SYNE1: variants seen among roughly 807,000 people sequenced by gnomAD.
SYNE1 encodes nesprin-1.
SYNE1 carries 616 observed loss-of-function variants against 1,111.0 expected under a neutral mutation model. The ratio of observed to expected loss-of-function variants is 0.55; its 90% CI spans 0.52 to 0.59. The LOEUF (loss-of-function observed/expected upper bound fraction) is 0.59. Ranked by LOEUF, SYNE1 falls within the 20% of genes least tolerant of loss-of-function variation. SYNE1 has a pLI of 0.00. For missense variants in SYNE1, 10,006 were observed against 10,417.0 expected (o/e 0.96, Z 1.72); for synonymous variants, 3,855 against 3,825.8 (o/e 1.01, Z -0.28).
At chr6:152,263,441 T>C (rs917750808) in intron 100 of SYNE1, among the ~76,000 whole-genome samples, 3 of 152,032 alleles carry the variant, frequency 2.0e-5, no homozygotes, top group Non-Finnish European at 2.9e-5. Context: ...CCCAAGCTGG[T>C]GTGGACTCGT....
intron 105 of SYNE1, among the ~76,000 whole-genome samples, chr6:152,245,679 C>A (rs1424676735): frequency 6.6e-6 from 1 of 152,150 alleles, no homozygotes; most frequent in Non-Finnish European, 1.5e-5. Context: ...AAGCTGAATT[C>A]TAAACCAGTG....
chr6:152,470,042 A>G (rs1048409221), intron 16 of SYNE1, among the ~76,000 whole-genome samples: 9 of 152,246 alleles, frequency 5.9e-5, no homozygotes, highest in African/African-American at 2.2e-4. Context: ...AGATGAGAGT[A>G]CTAGGAAATG....
intron 8 of SYNE1, among the ~76,000 whole-genome samples, chr6:152,507,516 A>C (rs951889598): frequency 3.9e-5 from 6 of 152,156 alleles, no homozygotes; most frequent in Admixed American, 6.5e-5. Context: ...CAGTTAAAGT[A>C]GTAGGTAATA....
chr6:152,216,368 T>A (rs1176643259), intron 121 of SYNE1, among the ~76,000 whole-genome samples: 1 of 152,138 alleles, frequency 6.6e-6, no homozygotes, highest in Non-Finnish European at 1.5e-5. Flanking sequence ...TGATAGAGCA[T>A]GGAAGAAAAA....
At chr6:152,237,909 T>C (rs2084594504) in intron 108 of SYNE1, among the ~76,000 whole-genome samples, 2 of 152,222 alleles carry the variant, frequency 1.3e-5, no homozygotes, top group Non-Finnish European at 2.9e-5. Flanking sequence ...TATGCTCACT[T>C]CACTGTGCAG....
In SYNE1 at chr6:152,196,661, A is replaced by G. The variant is rs527418929; in HGVS notation, c.23145+5163T>C. Among the ~76,000 whole-genome samples the G allele has an allele frequency of 3.3e-5, 5 of 152,040 alleles. No homozygotes were observed. The South Asian group carries it at 8.3e-4, about 25-fold the overall frequency. On this transcript the variant is annotated intron_variant, in intron 127 of 145. Transcript: ENST00000367255. ...TGAGTTGGTATCCAAGTTGCAAAAC[A>G]AAGTCCTCTTTACTCTTTCCTCTTT... is the stretch of plus-strand genomic sequence containing the variant.
intron 124 of SYNE1, among the ~76,000 whole-genome samples, chr6:152,209,647 G>A (rs2077158340): frequency 1.3e-5 from 2 of 151,998 alleles, no homozygotes; most frequent in African/African-American, 2.4e-5. Flanking sequence ...CTACTTGGGA[G>A]GCTGAGACAG....
Position 152,323,504 on chromosome 6 carries a change from G to C in SYNE1, c.15891C>G (p.Ile5297Met). 6.2e-7 allele frequency: 1 copy of C among 1,614,036 alleles called. No individual in the cohort carries two copies. Among genetic ancestry groups the C allele is most frequent in the Non-Finnish European group, 8.5e-7 (1 of 1,180,020 alleles). Reference protein sequence around the residue: ...PGEEPPLMQEITAMQDRCLNM... With the variant: ...PGEEPPLMQEMTAMQDRCLNM... The stretch of plus-strand genomic sequence containing the variant: ...TCAGGCACCGATCTTGCATGGCGGT[G>C]ATTTCCTGCATGAGCGGAGGCTCTT... Residue 5297 changes from isoleucine (I) to methionine (M), a missense_variant, in exon 82 of 146, where the codon ATC (isoleucine) becomes ATG (methionine). Physicochemically the swap from Ile to Met is conservative, Grantham distance 10 (BLOSUM62 1). Around this residue, in one of 7 missense-constraint regions of SYNE1, gnomAD observed 4,955 missense variants for 5,017.2 expected, o/e 0.99. Coordinates refer to ENST00000367255, the MANE Select transcript of SYNE1 (RefSeq NM_182961.4).
chr6:152,469,222 C>T (rs1047380485), intron 16 of SYNE1, among the ~76,000 whole-genome samples: 4 of 152,102 alleles, frequency 2.6e-5, no homozygotes, highest in African/African-American at 9.7e-5. Flanking sequence ...TTCCATAACA[C>T]TCTAAAAGGA....
chr6:152,398,588 G>C, intron 49 of SYNE1, 31 bp downstream of exon 49: 1 of 1,584,470 alleles, frequency 6.3e-7, no homozygotes. Context: ...TACATTTTGG[G>C]GAAGAAGGAA....
intron 65 of SYNE1, 52 bp from the exon 66 acceptor site, chr6:152,358,589 C>G (rs369300377): frequency 1.9e-4 from 294 of 1,579,254 alleles, no homozygotes; most frequent in Non-Finnish European, 2.4e-4. Flanking sequence ...CTTTATAAAG[C>G]ATCAGTGTGC....
chr6:152,139,109 A>T (rs2813570), intron 140 of SYNE1, among the ~76,000 whole-genome samples: 73,723 of 152,072 alleles, frequency 0.48, 18,780 homozygotes, highest in African/African-American at 0.65. Context: ...TGTAGGAGCC[A>T]GGTCATTCTG....
intron 18 of SYNE1, among the ~76,000 whole-genome samples, chr6:152,463,991 C>A (rs187589501): frequency 6.1e-4 from 92 of 152,038 alleles, no homozygotes; most frequent in African/African-American, 2.0e-3. Context: ...GGCTTTTATT[C>A]CTTTTTAAAG....
intron 121 of SYNE1, among the ~76,000 whole-genome samples, chr6:152,216,506 C>T (rs372607270): frequency 2.0e-5 from 3 of 151,936 alleles, no homozygotes; most frequent in Admixed American, 6.6e-5. Flanking sequence ...AGTGAGCTGA[C>T]GAGGACAAGA....
chr6:152,395,063 G>A (rs113587282), intron 51 of SYNE1, among the ~76,000 whole-genome samples: 47 of 151,854 alleles, frequency 3.1e-4, no homozygotes, highest in African/African-American at 1.0e-3. Context: ...GATTATAGGC[G>A]TGAGCCACCG....
Position 152,326,359 on chromosome 6 carries a change from G to C in SYNE1, c.15230C>G (p.Ser5077Cys). ...CATCCTCTGGCTCCTGAGTTCCAGAGAAGCCACTTTCTGTTCTAGGTCTTC... is the reference window on the plus strand; with the variant it reads ...CATCCTCTGGCTCCTGAGTTCCAGACAAGCCACTTTCTGTTCTAGGTCTTC... ...GKEDLEQKVA[S>C]LELRSQRMSR... Residue 5077 changes from serine (S) to cysteine (C), a missense_variant, in exon 79 of 146, where the codon TCT (serine) becomes TGT (cysteine). Physicochemically the swap from Ser to Cys is moderately radical, Grantham distance 112. This residue lies in a region of SYNE1 where 4,955 missense variants were observed against 5,017.2 expected (regional missense o/e 0.99). Transcript: ENST00000367255. 6.2e-7 allele frequency: 1 copy of C among 1,613,904 alleles called. No individual in the cohort carries two copies. Among genetic ancestry groups the C allele is most frequent in the South Asian group, 1.1e-5 (1 of 91,070 alleles).
At chr6:152,301,462 C>T (rs2095164027) in intron 92 of SYNE1, among the ~76,000 whole-genome samples, 1 of 152,176 alleles carries the variant, frequency 6.6e-6, no homozygotes, top group Non-Finnish European at 1.5e-5. Flanking sequence ...CAGTAGAGTA[C>T]ATGCACATAT....
chr6:152,125,520 G>C (rs2053094068), intron 145 of SYNE1: 2 of 945,150 alleles, frequency 2.1e-6, no homozygotes, highest in Non-Finnish European at 3.0e-6. Flanking sequence ...AGTGTCTTAA[G>C]AAGGATAGGA....
At chr6:152,228,496 T>C (rs1323710902) in intron 115 of SYNE1, among the ~76,000 whole-genome samples, 1 of 151,370 alleles carries the variant, frequency 6.6e-6, no homozygotes, top group African/African-American at 2.4e-5. Flanking sequence ...AAATGGAAAA[T>C]GGCAGAAAAA....
Sources: gnomAD v4.1 joint callset for allele counts (sites outside exome capture counted in the v4.1 genomes callset) on GRCh38, gnomAD v4.1.1 for gene constraint, gnomAD v4.1.1 regional missense constraint, MANE v1.5 for transcripts, NCBI Gene and HGNC (gene_info 2026-07-23, HGNC 2026-07-21) for gene names.